Variants in ZNF213 observed in about 807,000 individuals in gnomAD.
The protein encoded by ZNF213 is zinc finger protein 213, also known as putative transcription factor CR53.
A neutral mutation model predicts 46.0 loss-of-function variants in ZNF213; 32 were observed. That is an observed-to-expected ratio of 0.70 (90% CI 0.52 to 0.93). The LOEUF is 0.93. Among genes scored for constraint, ZNF213 ranks in the 40% least tolerant of loss-of-function variants. The pLI, the probability that ZNF213 is intolerant of heterozygous loss-of-function variation, is 0.00. For missense variants in ZNF213, 639 were observed against 652.8 expected (o/e 0.98, Z 0.23); for synonymous variants, 297 against 271.0 (o/e 1.10, Z -0.94).
At chr16:3,137,125 C>T (rs1596305952) in intron 1 of ZNF213, 41 bp from the exon 2 acceptor site, 2 of 981,980 alleles carry the variant, frequency 2.0e-6, no homozygotes, top group East Asian at 5.2e-5. Flanking sequence ...GTGTATTCCA[C>T]ATCCTTCCTC....
Position 3,139,748 on chromosome 16 carries a change from CT to C in ZNF213, c.721+664del, listed in dbSNP as rs1194489858. On this transcript the variant is annotated intron_variant, in intron 5 of 5. Transcript: ENST00000396878. Reference sequence around the variant, plus strand: ...GTGACGGTTGGGAAAAATTTTCTTTCTTTTTTTTTTTTTTGAGATGGAGTCT... The same window carrying C: ...GTGACGGTTGGGAAAAATTTTCTTTCTTTTTTTTTTTTTGAGATGGAGTCT... 2.6e-3 allele frequency: 368 copies of C among 144,062 alleles called. 1 individual carries two copies. Among genetic ancestry groups the C allele is most frequent in the Middle Eastern group, 3.6e-3 (1 of 280 alleles). 8.9% of individuals were successfully genotyped at this position (144,062 alleles called of 1,614,324 possible).
intron 5 of ZNF213, chr16:3,140,427 T>G (rs1262437930): frequency 2.2e-5 from 8 of 362,898 alleles, no homozygotes; most frequent in Non-Finnish European, 3.8e-5. Context: ...TTCACCATGT[T>G]GGCCAGGCTG....
Position 3,140,869 on chromosome 16 carries a change from C to T in ZNF213, c.902C>T (p.Pro301Leu). The change falls in exon 6 of 6, where the codon CCA becomes CTA. Residue 301 changes from proline to leucine, a missense_variant. Transcript: ENST00000396878. ...GPVVGARRGR[P>L]PTRRRQFRDL... ...GTGGTGGGCGCGCGACGGGGGCGGC[C>T]ACCCACTCGCCGGCGCCAGTTCCGG... is the stretch of plus-strand genomic sequence containing the variant. 1 of 1,575,968 alleles carries T rather than the reference C, an allele frequency of 6.3e-7. No individual in the cohort carries two copies. The highest frequency in any genetic ancestry group is 8.6e-7 in the Non-Finnish European group (1 of 1,165,208).
chr16:3,137,335 C>T lies in ZNF213; in HGVS notation c.55C>T (p.Leu19=), dbSNP rs1596306048. 2 of 1,612,930 alleles carry T rather than the reference C, an allele frequency of 1.2e-6. No homozygotes were observed. The highest frequency in any genetic ancestry group is 2.2e-5 in the East Asian group (1 of 44,860). Residue 19 remains leucine (L), a synonymous_variant, in exon 2 of 6, where the codon CTG becomes TTG. Transcript: ENST00000396878. ...GGCCCCTGGGGAGGGAGAAGGGCTT[C>T]TGATTGTGAAAGTGGAAGATTCCTC... ...DQAPGEGEGL[L]IVKVEDSSWE...
chr16:3,138,588 A>T (rs1567185396), intron 3 of ZNF213, 47 bp downstream of exon 3: 1 of 1,612,902 alleles, frequency 6.2e-7, no homozygotes, highest in East Asian at 2.2e-5. Flanking sequence ...CTGGGCAGGG[A>T]CCTAGCTTTG....
chr16:3,140,630 C>A (rs1031498127), intron 5 of ZNF213, 59 bp from the exon 6 acceptor site: 2 of 1,461,306 alleles, frequency 1.4e-6, no homozygotes, highest in Non-Finnish European at 1.8e-6. Flanking sequence ...TTCTTCCTCA[C>A]CTCAGCTCTG....
chr16:3,137,403 C>T lies in ZNF213; in HGVS notation c.123C>T (p.Ser41=), dbSNP rs141332740. 1.7e-5 allele frequency: 28 copies of T among 1,613,978 alleles called. No individual in the cohort carries two copies. The highest frequency in any genetic ancestry group is 5.0e-5 in the Admixed American group (3 of 60,022). The stretch of plus-strand genomic sequence containing the variant: ...CCCAGCATGAGGATGGCAGGGATTC[C>T]GAAGCCTGCCGCCAGCGCTTCCGGC... ...ESAQHEDGRD[S]EACRQRFRQF... The change falls in exon 2 of 6, where the codon TCC becomes TCT. Residue 41 remains serine, a synonymous_variant. Coordinates refer to ENST00000396878, the MANE Select transcript of ZNF213 (RefSeq NM_004220.3).
rs762819908 is a variant in ZNF213, at chr16:3,138,322, C to T, written c.400-96C>T. 33 of 1,561,294 alleles carry T rather than the reference C, an allele frequency of 2.1e-5. No homozygotes were observed. In the East Asian group the frequency reaches 6.1e-4, roughly 29 times the overall value. On this transcript the variant is annotated intron_variant, in intron 2 of 5. Transcript: ENST00000396878. Reference sequence around the variant, plus strand: ...TGGTCTCCTTCCCACACCCCAGCATCCTGAGGGTCATGTCCTGTGTCTCCT... The same window carrying T: ...TGGTCTCCTTCCCACACCCCAGCATTCTGAGGGTCATGTCCTGTGTCTCCT...
intron 1 of ZNF213, among the ~76,000 whole-genome samples, chr16:3,136,542 C>G (rs972054189): frequency 6.6e-6 from 1 of 152,060 alleles, no homozygotes; most frequent in African/African-American, 2.4e-5. Flanking sequence ...ATGGTGAAAC[C>G]TCGTCTCTAC....
Position 3,142,247 on chromosome 16 carries a change from G to A in ZNF213, c.*900G>A, listed in dbSNP as rs570759404. 11 of 99,950 alleles carry A rather than the reference G, an allele frequency of 1.1e-4. No individual in the cohort carries two copies. The East Asian group carries it at 2.4e-3, about 21-fold the overall frequency. The allele number at this position is 99,950 out of a possible 1,614,324, so 6.2% of individuals were successfully genotyped here. On this transcript the variant is annotated 3_prime_UTR_variant, in exon 6 of 6. Coordinates refer to ENST00000396878, the MANE Select transcript of ZNF213 (RefSeq NM_004220.3). ...CATCGGCACTAATGCTCCACTCGGC[G>A]CCCCACTCCATCGGCCCCGCTCCAT...
chr16:3,137,896 A>G (rs1957559214), intron 2 of ZNF213: 1 of 632,122 alleles, frequency 1.6e-6, no homozygotes. Context: ...GAAGGCAGCA[A>G]TAGGGCTGAA....
chr16:3,136,352 C>T (rs958979071), intron 1 of ZNF213, among the ~76,000 whole-genome samples: 13 of 152,060 alleles, frequency 8.5e-5, no homozygotes, highest in Non-Finnish European at 1.6e-4. Context: ...TAATATAGTG[C>T]ACAGACGATA....
At position 3,138,810 on chromosome 16, in the gene ZNF213, G is replaced by T. The variant is rs373561675; in HGVS notation, c.589G>T (p.Gly197Trp). Residue 197 changes from glycine to tryptophan, a missense_variant, in exon 4 of 6, where the codon GGG becomes TGG. Gly to Trp is a radical substitution (Grantham distance 184). Coordinates refer to ENST00000396878, the MANE Select transcript of ZNF213 (RefSeq NM_004220.3). ...GACGACGGACACCTGCTTTGTCTCT[G>T]GGGTCCATGTGAGTCACCAGTCCCT... ...GETTDTCFVS[G>W]VHGPVALGDI... 4.0e-5 allele frequency: 65 copies of T among 1,613,948 alleles called. No individual in the cohort carries two copies. The highest frequency in any genetic ancestry group is 5.4e-5 in the Non-Finnish European group (64 of 1,179,998).
At chr16:3,136,962 G>A (rs1221034977) in intron 1 of ZNF213, among the ~76,000 whole-genome samples, 1 of 152,154 alleles carries the variant, frequency 6.6e-6, no homozygotes, top group East Asian at 1.9e-4. Context: ...GAAACACCCG[G>A]GTTTTGGATT....
chr16:3,139,009 T>TC lies in ZNF213; in HGVS notation c.633dup (p.Ser212LeufsTer38), dbSNP rs1197378062. On this transcript the variant is annotated frameshift_variant, in exon 5 of 6. Transcript: ENST00000396878. LOFTEE classifies it high-confidence loss of function. The stretch of plus-strand genomic sequence containing the variant: ...GCATTGGGAGACATCCCATTCTATT[T>TC]CTCCCGGGAAGAATGGGGCACCCTG... The TC allele has an allele frequency of 1.2e-6, 2 of 1,613,908 alleles. No homozygotes were observed. The highest frequency in any genetic ancestry group is 2.2e-5 in the East Asian group (1 of 44,876).
At chr16:3,138,366 G>C in intron 2 of ZNF213, 52 bp from the exon 3 acceptor site, 1 of 1,606,964 alleles carries the variant, frequency 6.2e-7, no homozygotes, top group South Asian at 1.1e-5. Context: ...AGTAAACTCT[G>C]TCTCCCCCGG....
At position 3,138,491 on chromosome 16, in the gene ZNF213, TG is replaced by T. The variant is rs1180449952; in HGVS notation, c.478del (p.Ala160HisfsTer71). 6.2e-7 allele frequency: 1 copy of T among 1,613,222 alleles called. No individual in the cohort carries two copies. The highest frequency in any genetic ancestry group is 1.1e-5 in the South Asian group (1 of 91,040). ...CAGGCCACGGGGCCTCCCCCGACGG[TG>T]GGGGCACGGAGGCGGCCGTCTGTTC... ...GSQATGPPPT[V>X]GARRRPSVPQ... On this transcript the variant is annotated frameshift_variant, in exon 3 of 6. Transcript: ENST00000396878. LOFTEE classifies it high-confidence loss of function.
chr16:3,139,189 C>A, intron 5 of ZNF213, 91 bp downstream of exon 5: 5 of 1,544,918 alleles, frequency 3.2e-6, no homozygotes, highest in Non-Finnish European at 4.4e-6. Context: ...TAGCTGGTTC[C>A]AAAGCAGGCT....
At position 3,140,875 on chromosome 16, in the gene ZNF213, C is replaced by G; in HGVS notation, c.908C>G (p.Thr303Ser). Reference sequence around the variant, plus strand: ...GGCGCGCGACGGGGGCGGCCACCCACTCGCCGGCGCCAGTTCCGGGACCTG... The same window carrying G: ...GGCGCGCGACGGGGGCGGCCACCCAGTCGCCGGCGCCAGTTCCGGGACCTG... ...VVGARRGRPP[T>S]RRRQFRDLAA... Residue 303 changes from threonine to serine, a missense_variant, in exon 6 of 6, where the codon ACT becomes AGT. Transcript: ENST00000396878. 1.3e-6 allele frequency: 2 copies of G among 1,575,312 alleles called. No homozygotes were observed. The highest frequency in any genetic ancestry group is 1.1e-5 in the South Asian group (1 of 87,816).
Sources: allele counts gnomAD v4.1 joint callset (sites outside exome capture counted in the v4.1 genomes callset), GRCh38; gene constraint gnomAD v4.1.1; transcripts MANE v1.5; gene names NCBI Gene and HGNC (gene_info 2026-07-23, HGNC 2026-07-21).